Variants in ATG7 observed in about 807,000 individuals in gnomAD.
The protein encoded by ATG7 is ubiquitin-like modifier-activating enzyme ATG7.
ATG7 carries 70 observed loss-of-function variants against 82.4 expected under a neutral mutation model. That is an observed-to-expected ratio of 0.85 (90% CI 0.70 to 1.04). ATG7 has a LOEUF of 1.04. Among genes scored for constraint, ATG7 ranks in the 50% least tolerant of loss-of-function variants. The pLI is 0.00. For synonymous variants in ATG7, 287 were observed against 313.0 expected (o/e 0.92, Z 0.88); for missense variants, 792 against 864.3 (o/e 0.92, Z 1.05).
In ATG7 at chr3:11,331,378, G is replaced by A. The variant is rs1951626447; in HGVS notation, c.717G>A (p.Gln239=). The change falls in exon 10 of 21, where the codon CAG becomes CAA. Residue 239 remains glutamine (Q), a synonymous_variant. Coordinates refer to ENST00000693202, the MANE Select transcript of ATG7 (RefSeq NM_001349232.2). ...IGVYDPCNLA[Q]YPGWPLRNFL... is the part of the protein sequence containing the mutation. The stretch of plus-strand genomic sequence containing the variant: ...TATATGATCCCTGTAACTTAGCCCA[G>A]TACCCTGGATGGCCTTTGAGGAATT... 6.2e-7 allele frequency: 1 copy of A among 1,613,796 alleles called. No homozygotes were observed. The highest frequency in any genetic ancestry group is 1.1e-5 in the South Asian group (1 of 91,078).
chr3:11,355,620 G>T (rs997573665), intron 14 of ATG7, among the ~76,000 whole-genome samples: 2 of 152,116 alleles, frequency 1.3e-5, no homozygotes, highest in African/African-American at 2.4e-5. Context: ...AATGCTCAAC[G>T]TCAATAGTCA....
intron 20 of ATG7, among the ~76,000 whole-genome samples, chr3:11,550,777 G>T (rs1391976837): frequency 6.6e-6 from 1 of 151,934 alleles, no homozygotes; most frequent in Non-Finnish European, 1.5e-5. Flanking sequence ...TTGCCTTTTT[G>T]ACTGTTTTCC....
chr3:11,400,562 T>C (rs2079736708), intron 19 of ATG7, among the ~76,000 whole-genome samples: 1 of 151,668 alleles, frequency 6.6e-6, no homozygotes, highest in Non-Finnish European at 1.5e-5. Context: ...GAAATGTGAA[T>C]TTTAATGTGC....
chr3:11,417,800 A>ATTATTTTTTTTTTTTTTTTTTTTT lies in ATG7; in HGVS notation c.1957-9002_1957-9001insATTTTTTTTTTTTTTTTTTTTTTT, dbSNP rs1553652380. On this transcript the variant is annotated intron_variant, in intron 19 of 20. Coordinates refer to ENST00000693202, the MANE Select transcript of ATG7 (RefSeq NM_001349232.2). ...CATTTAAAAAATTATTATTATTATTATTTTATTTTATTTTATTTTTTTTTT... is the reference window on the plus strand; with the variant it reads ...CATTTAAAAAATTATTATTATTATTATTATTTTTTTTTTTTTTTTTTTTTTTTTATTTTATTTTATTTTTTTTTT... 1.6e-4 allele frequency among the ~76,000 whole-genome samples: 17 copies of ATTATTTTTTTTTTTTTTTTTTTTT among 109,344 alleles called. 1 individual carries two copies. The highest frequency in any genetic ancestry group is 6.1e-4 in the East Asian group (2 of 3,266). The allele number at this position is 109,344 out of a possible 152,430, so 71.7% of individuals were successfully genotyped here. A position where few individuals can be genotyped will look rare whatever the true frequency, so the allele number is the denominator to read the frequency against.
intron 3 of ATG7, chr3:11,288,854 C>G (rs986415946): frequency 6.6e-6 from 1 of 152,102 alleles, no homozygotes; most frequent in African/African-American, 2.4e-5. Flanking sequence ...GACACAGCCC[C>G]GGGGGATTGT....
Position 11,533,539 on chromosome 3 carries a change from T to TA in ATG7, c.2080-21255dup, listed in dbSNP as rs66794993. 8.8e-3 allele frequency among the ~76,000 whole-genome samples: 1,116 copies of TA among 126,644 alleles called. 16 individuals carry two copies. Among genetic ancestry groups the TA allele is most frequent in the African/African-American group, 0.025 (830 of 33,210 alleles). 83.1% of individuals were successfully genotyped at this position (126,644 alleles called of 152,430 possible). On this transcript the variant is annotated intron_variant, in intron 20 of 20. Transcript: ENST00000693202. Reference sequence around the variant, plus strand: ...CCACAGAGAAAAATCCCCCTTCTGTTAAAAAAAAAAAAAAAAAGCCATTAC... The same window carrying TA: ...CCACAGAGAAAAATCCCCCTTCTGTTAAAAAAAAAAAAAAAAAAGCCATTAC...
At chr3:11,390,835 A>C (rs1559523030) in intron 19 of ATG7, among the ~76,000 whole-genome samples, 1 of 152,244 alleles carries the variant, frequency 6.6e-6, no homozygotes, top group Non-Finnish European at 1.5e-5. Context: ...ATTCAAAAGT[A>C]TCCTATCTTT....
chr3:11,571,783 C>G, the ATG7 span, among the ~76,000 whole-genome samples: 2 of 152,282 alleles, frequency 1.3e-5, no homozygotes, highest in African/African-American at 4.8e-5. Context: ...CCATCTATTG[C>G]GAGACAGCTG....
chr3:11,524,128 A>C (rs566525774), intron 20 of ATG7, among the ~76,000 whole-genome samples: 2 of 152,368 alleles, frequency 1.3e-5, no homozygotes, highest in African/African-American at 4.8e-5. Context: ...CTGTTCCATC[A>C]AAAGGAACCC....
At chr3:11,291,207 A>G (rs955420724) in intron 3 of ATG7, among the ~76,000 whole-genome samples, 13 of 152,218 alleles carry the variant, frequency 8.5e-5, no homozygotes, top group African/African-American at 3.1e-4. Flanking sequence ...GATCTGTCAC[A>G]CAGAGGATTT....
chr3:11,292,386 A>C (rs531546101), intron 3 of ATG7, among the ~76,000 whole-genome samples: 1 of 151,492 alleles, frequency 6.6e-6, no homozygotes, highest in Admixed American at 6.6e-5. Context: ...CAGCCTCCCA[A>C]ATAGCTGGGA....
chr3:11,450,814 C>T (rs575944918), intron 20 of ATG7, among the ~76,000 whole-genome samples: 1 of 152,348 alleles, frequency 6.6e-6, no homozygotes, highest in South Asian at 2.1e-4. Context: ...TTTTCTGATA[C>T]CACTCCCTTG....
At chr3:11,453,695 G>A (rs2152988838) in intron 20 of ATG7, among the ~76,000 whole-genome samples, 1 of 152,234 alleles carries the variant, frequency 6.6e-6, no homozygotes, top group East Asian at 1.9e-4. Flanking sequence ...AATTCACATT[G>A]CATTGTGTGA....
At position 11,358,398 on chromosome 3, in the gene ATG7, A is replaced by G; in HGVS notation, c.1285-20A>G. ...CTATACCATTGCTCCAGACATAACT[A>G]CGTCCTGGTGTTTCCCTAGAATGCC... On this transcript the variant is annotated intron_variant, in intron 14 of 20. Coordinates refer to ENST00000693202, the MANE Select transcript of ATG7 (RefSeq NM_001349232.2). The G allele has an allele frequency of 1.2e-6, 2 of 1,603,642 alleles. No homozygotes were observed. Among genetic ancestry groups the G allele is most frequent in the African/African-American group, 1.3e-5 (1 of 74,812 alleles).
Position 11,289,508 on chromosome 3 carries a change from C to A in ATG7, c.-11+7070C>A, listed in dbSNP as rs191207346. On this transcript the variant is annotated intron_variant, in intron 3 of 20. Coordinates refer to ENST00000693202, the MANE Select transcript of ATG7 (RefSeq NM_001349232.2). ...AACGGTTTCAGCAGCTCAACATCAA[C>A]TATATCCTCTTATGAAATAGGCCCT... is the stretch of plus-strand genomic sequence containing the variant. Among the ~76,000 whole-genome samples, 13 of 152,346 alleles carry A rather than the reference C, an allele frequency of 8.5e-5. No individual in the cohort carries two copies. The East Asian group carries it at 2.5e-3, about 29-fold the overall frequency.
chr3:11,506,575 AAAAAAAAAACC>A lies in ATG7; in HGVS notation c.2080-48235_2080-48225del, dbSNP rs752018208. ...TCTACAAAAAAAAAAAAAAAAAAAA[AAAAAAAAAACC>A]CAAAAATTAGCTGGGAGTGGTGGCA... On this transcript the variant is annotated intron_variant, in intron 20 of 20. Transcript: ENST00000693202. 2.1e-3 allele frequency among the ~76,000 whole-genome samples: 102 copies of A among 48,028 alleles called. 3 individuals carry two copies. The highest frequency in any genetic ancestry group is 3.4e-3 in the African/African-American group (27 of 7,918). The allele number at this position is 48,028 out of a possible 152,430, so 31.5% of individuals were successfully genotyped here. A position where few individuals can be genotyped will look rare whatever the true frequency, so the allele number is the denominator to read the frequency against.
chr3:11,348,823 C>T (rs1954990335), intron 14 of ATG7: 1 of 152,224 alleles, frequency 6.6e-6, no homozygotes, highest in Admixed American at 6.5e-5. Flanking sequence ...GTTTACAAAC[C>T]TTTAGCTAGA....
At chr3:11,459,024 C>T (rs893895399) in intron 20 of ATG7, among the ~76,000 whole-genome samples, 1 of 152,072 alleles carries the variant, frequency 6.6e-6, no homozygotes, top group African/African-American at 2.4e-5. Context: ...TTCATCACCC[C>T]CCCATCTATG....
At chr3:11,350,360 A>G (rs2075443695) in intron 14 of ATG7, among the ~76,000 whole-genome samples, 1 of 152,178 alleles carries the variant, frequency 6.6e-6, no homozygotes, top group Non-Finnish European at 1.5e-5. Context: ...CACAATCCCA[A>G]AATCTCAGTG....
Sources: gnomAD v4.1 joint callset for allele counts (sites outside exome capture counted in the v4.1 genomes callset) on GRCh38, gnomAD v4.1.1 for gene constraint, MANE v1.5 for transcripts, NCBI Gene and HGNC (gene_info 2026-07-23, HGNC 2026-07-21) for gene names.